Variants in NUDT6 observed in about 807,000 individuals in gnomAD.
NUDT6 encodes the protein nudix hydrolase 6.
A neutral mutation model predicts 36.8 loss-of-function variants in NUDT6; 24 were observed. That is an observed-to-expected ratio of 0.65 (90% CI 0.47 to 0.92). NUDT6 has a LOEUF of 0.92. Ranked by LOEUF, NUDT6 falls within the 40% of genes least tolerant of loss-of-function variation. The pLI is 0.00. For synonymous variants in NUDT6, 163 were observed against 157.0 expected, an observed-to-expected ratio of 1.04 and a Z score of -0.29; for missense variants, 388 against 392.8, an observed-to-expected ratio of 0.99 and a Z score of 0.10.
At chr4:122,912,765 T>A (rs949769237) in intron 2 of NUDT6, 142 bp from the exon 3 acceptor site, 1 of 602,926 alleles carries the variant, frequency 1.7e-6, no homozygotes, top group Non-Finnish European at 3.0e-6. Context: ...ATTCCTTATC[T>A]AAAATGTTTC....
At chr4:122,912,534 T>G (rs1323778174) in intron 3 of NUDT6, 34 bp downstream of exon 3, 1 of 1,452,002 alleles carries the variant, frequency 6.9e-7, no homozygotes, top group Admixed American at 1.7e-5. Flanking sequence ...AAATAAACAT[T>G]TAGGAAGCAA....
At chr4:122,906,426 C>T (rs763482241) in intron 3 of NUDT6, among the ~76,000 whole-genome samples, 1 of 152,122 alleles carries the variant, frequency 6.6e-6, no homozygotes, top group Non-Finnish European at 1.5e-5. Context: ...CCATCTGTAC[C>T]TCATTCCTTT....
chr4:122,922,180 G>A, intron 1 of NUDT6, 155 bp downstream of exon 1: 1 of 574,066 alleles, frequency 1.7e-6, no homozygotes, highest in Non-Finnish European at 2.8e-6. Context: ...GTCTAAGCAC[G>A]AATGCTCCAG....
chr4:122,898,864 T>C (rs896728069), intron 3 of NUDT6, among the ~76,000 whole-genome samples: 3 of 152,088 alleles, frequency 2.0e-5, no homozygotes, highest in African/African-American at 7.2e-5. Flanking sequence ...TGACAAGATG[T>C]TGAACTTTAC....
At chr4:122,917,899 G>A in intron 1 of NUDT6, 195 bp from the exon 2 acceptor site, 1 of 576,834 alleles carries the variant, frequency 1.7e-6, no homozygotes, top group Non-Finnish European at 3.1e-6. Flanking sequence ...TTTTCCATCA[G>A]ACTGAATTCC....
chr4:122,915,582 A>C (rs1578499289), intron 2 of NUDT6, among the ~76,000 whole-genome samples: 2 of 152,100 alleles, frequency 1.3e-5, no homozygotes, highest in East Asian at 3.9e-4. Flanking sequence ...TTAGTGTTCA[A>C]GATTGGTCAA....
chr4:122,901,829 C>A (rs1267593402), intron 3 of NUDT6, among the ~76,000 whole-genome samples: 1 of 152,272 alleles, frequency 6.6e-6, no homozygotes, highest in African/African-American at 2.4e-5. Context: ...TTAAGACCTT[C>A]CCTAGGCATG....
At chr4:122,911,652 C>T (rs72674950) in intron 3 of NUDT6, among the ~76,000 whole-genome samples, 3,299 of 152,240 alleles carry the variant, frequency 0.022, 61 homozygotes, top group Non-Finnish European at 0.036. Context: ...TCATTACAAA[C>T]ATTAATTTAA....
At chr4:122,922,258 C>G (rs1389879402) in intron 1 of NUDT6, 77 bp downstream of exon 1, 1 of 1,280,892 alleles carries the variant, frequency 7.8e-7, no homozygotes, top group East Asian at 2.5e-5. Flanking sequence ...CACAGAGCGA[C>G]TAGGGAGTGG....
upstream of NUDT6, chr4:122,922,623 G>C: frequency 6.7e-7 from 1 of 1,487,972 alleles, no homozygotes; most frequent in Non-Finnish European, 9.1e-7. Flanking sequence ...CCGCGCTCCA[G>C]AGCGGAGATC....
intron 3 of NUDT6, among the ~76,000 whole-genome samples, chr4:122,909,494 AT>A (rs913619903): frequency 4.0e-5 from 6 of 150,936 alleles, no homozygotes; most frequent in East Asian, 1.9e-4. Flanking sequence ...TAGAATTAAA[AT>A]TTTTTTTTTA....
In NUDT6 at chr4:122,922,569, G is replaced by T. The variant is rs766064241; in HGVS notation, c.4C>A (p.Arg2=). 2 of 1,592,508 alleles carry T rather than the reference G, an allele frequency of 1.3e-6. No individual in the cohort carries two copies. Among genetic ancestry groups the T allele is most frequent in the East Asian group, 2.2e-5 (1 of 44,658 alleles). Residue 2 remains arginine, a synonymous_variant, in exon 1 of 5, where the codon CGG becomes AGG. Transcript: ENST00000304430. The stretch of plus-strand genomic sequence containing the variant: ...CAGCGGCCCCAGCTCAGTGGCTGCC[G>T]CATCTCCACGCCGCTTAATTCGTCC... M[R]QPLSWGRWRA... is the part of the protein sequence containing the mutation.
Position 122,897,684 on chromosome 4 carries a change from G to A in NUDT6, c.499-6C>T. Reference sequence around the variant, plus strand: ...AACTTCCACATATTTTTCAACTGCAGTATAAAGTCAGAAAATAAAGTTAAC... The same window carrying A: ...AACTTCCACATATTTTTCAACTGCAATATAAAGTCAGAAAATAAAGTTAAC... On this transcript the variant is annotated splice_polypyrimidine_tract_variant and splice_region_variant and intron_variant, in intron 3 of 4. Coordinates refer to ENST00000304430, the MANE Select transcript of NUDT6 (RefSeq NM_007083.5). 3 of 1,593,506 alleles carry A rather than the reference G, an allele frequency of 1.9e-6. No individual in the cohort carries two copies. The South Asian group carries it at 3.3e-5, about 18-fold the overall frequency.
intron 3 of NUDT6, among the ~76,000 whole-genome samples, chr4:122,898,721 A>T (rs1727439978): frequency 6.6e-6 from 1 of 152,120 alleles, no homozygotes; most frequent in Admixed American, 6.5e-5. Context: ...TTTATAAAGG[A>T]TATTATGCTT....
chr4:122,897,631 T>C lies in NUDT6; in HGVS notation c.546A>G (p.Glu182=). ...KFPGGLSEPE[E]DIGDTAVREV... Reference sequence around the variant, plus strand: ...AATATAAAAGATACACACCAATATCTTCTTCAGGCTCTGACAGGCCTCCTG... The same window carrying C: ...AATATAAAAGATACACACCAATATCCTCTTCAGGCTCTGACAGGCCTCCTG... Residue 182 remains glutamate (E), a synonymous_variant, in exon 4 of 5, where the codon GAA becomes GAG. Coordinates refer to ENST00000304430, the MANE Select transcript of NUDT6 (RefSeq NM_007083.5). 1 of 1,603,660 alleles carries C rather than the reference T, an allele frequency of 6.2e-7. No homozygotes were observed. Among genetic ancestry groups the C allele is most frequent in the South Asian group, 1.1e-5 (1 of 90,870 alleles).
Position 122,897,683 on chromosome 4 carries a change from A to G in NUDT6, c.499-5T>C, listed in dbSNP as rs543736031. On this transcript the variant is annotated splice_polypyrimidine_tract_variant and splice_region_variant and intron_variant, in intron 3 of 4. Transcript: ENST00000304430. Reference sequence around the variant, plus strand: ...AAACTTCCACATATTTTTCAACTGCAGTATAAAGTCAGAAAATAAAGTTAA... The same window carrying G: ...AAACTTCCACATATTTTTCAACTGCGGTATAAAGTCAGAAAATAAAGTTAA... The G allele has an allele frequency of 1.9e-6, 3 of 1,595,166 alleles. No individual in the cohort carries two copies. In the African/African-American group the frequency reaches 4.0e-5, roughly 21 times the overall value.
intron 4 of NUDT6, chr4:122,894,509 G>C (rs111829757): frequency 3.9e-4 from 59 of 152,290 alleles, no homozygotes; most frequent in African/African-American, 1.4e-3. Context: ...ATCACTTGAG[G>C]CTGAGAGGTC....
chr4:122,911,012 AC>A (rs1467185754), intron 3 of NUDT6, among the ~76,000 whole-genome samples: 2 of 152,226 alleles, frequency 1.3e-5, no homozygotes, highest in African/African-American at 4.8e-5. Context: ...ACTGCTACAT[AC>A]CAAAGTATAG....
At position 122,899,077 on chromosome 4, in the gene NUDT6, C is replaced by T. The variant is rs1044266422; in HGVS notation, c.499-1399G>A. ...TTTTTTTTTAGAGATGAGATTTCACCGTGTTGCCCAGGCTGGTCTTGAACT... is the reference window on the plus strand; with the variant it reads ...TTTTTTTTTAGAGATGAGATTTCACTGTGTTGCCCAGGCTGGTCTTGAACT... On this transcript the variant is annotated intron_variant, in intron 3 of 4. Coordinates refer to ENST00000304430, the MANE Select transcript of NUDT6 (RefSeq NM_007083.5). Among the ~76,000 whole-genome samples, 36 of 31,948 alleles carry T rather than the reference C, an allele frequency of 1.1e-3. No individual in the cohort carries two copies. The East Asian group carries it at 0.025, about 22-fold the overall frequency. 21.0% of individuals were successfully genotyped at this position (31,948 alleles called of 152,430 possible). A position where few individuals can be genotyped will look rare whatever the true frequency, so the allele number is the denominator to read the frequency against.
Sources: gnomAD v4.1 joint callset for allele counts (sites outside exome capture counted in the v4.1 genomes callset) on GRCh38, gnomAD v4.1.1 for gene constraint, MANE v1.5 for transcripts, NCBI Gene and HGNC (gene_info 2026-07-23, HGNC 2026-07-21) for gene names.